TGM1: variants seen among roughly 807,000 people sequenced by gnomAD.
TGM1 encodes protein-glutamine gamma-glutamyltransferase K.
Under a neutral mutation model 88.7 loss-of-function variants are expected in TGM1, and 63 were observed. The ratio of observed to expected loss-of-function variants is 0.71; its 90% CI spans 0.58 to 0.88. The LOEUF is 0.88. Among genes scored for constraint, TGM1 ranks in the 40% least tolerant of loss-of-function variants. TGM1 has a pLI of 0.00. For synonymous variants in TGM1, 415 were observed against 431.1 expected, an observed-to-expected ratio of 0.96 and a Z score of 0.46; for missense variants, 996 against 1,118.0, an observed-to-expected ratio of 0.89 and a Z score of 1.56.
chr14:24,261,192 C>T lies in TGM1; in HGVS notation c.509-494G>A. Among the ~76,000 whole-genome samples the T allele has an allele frequency of 1.3e-5, 2 of 152,190 alleles. 1 individual carries two copies. Among genetic ancestry groups the T allele is most frequent in the Admixed American group, 1.3e-4 (2 of 15,288 alleles). ...GCCCTAATCAAAGGGTAAAAGGAGT[C>T]ACCTGCCCCAGGCAGCAGCATAATC... On this transcript the variant is annotated intron_variant, in intron 3 of 14. Transcript: ENST00000206765.
At position 24,249,322 on chromosome 14, in the gene TGM1, AC is replaced by A; in HGVS notation, c.2444del (p.Gly815ValfsTer?). The A allele has an allele frequency of 2.5e-6, 4 of 1,613,224 alleles. No individual in the cohort carries two copies. Among genetic ancestry groups the A allele is most frequent in the Non-Finnish European group, 3.4e-6 (4 of 1,179,856 alleles). On this transcript the variant is annotated frameshift_variant, in exon 15 of 15. Coordinates refer to ENST00000206765, the MANE Select transcript of TGM1 (RefSeq NM_000359.3). LOFTEE classifies it high-confidence loss of function. ...TGCTCCTGGCACGGGGCTAAGCTCCACCTCGAGATGCCATAGGGATGGTCTC... is the reference window on the plus strand; with the variant it reads ...TGCTCCTGGCACGGGGCTAAGCTCCACTCGAGATGCCATAGGGATGGTCTC... ...LGETIPMASR[G>X]GA
In TGM1 at chr14:24,261,759, AT is replaced by A; in HGVS notation, c.443del (p.His148LeufsTer34). 6 of 1,614,080 alleles carry A rather than the reference AT, an allele frequency of 3.7e-6. No individual in the cohort carries two copies. The highest frequency in any genetic ancestry group is 5.1e-6 in the Non-Finnish European group (6 of 1,180,012). On this transcript the variant is annotated frameshift_variant, in exon 3 of 15. Transcript: ENST00000206765. LOFTEE classifies it high-confidence loss of function. ...AGGTCCGGGACAGGAGGAGGAGCAT[AT>A]GGAAAGGCTGCCCGCGGCGCACTAT... is the stretch of plus-strand genomic sequence containing the variant. ...ELIVRRGQPFHMLLLLSRTYE... is the reference protein window; with the variant it reads ...ELIVRRGQPFXMLLLLSRTYE...
Position 24,260,017 on chromosome 14 carries a change from A to G in TGM1, c.799T>C (p.Tyr267His), listed in dbSNP as rs750815702. The G allele has an allele frequency of 1.7e-5, 28 of 1,613,694 alleles. No individual in the cohort carries two copies. The highest frequency in any genetic ancestry group is 2.4e-5 in the Non-Finnish European group (28 of 1,179,906). ...ATTCTCCCAGACTCATTAAGAACATACTCCTGCCGCCAATCCTCATGGTCC... is the reference window on the plus strand; with the variant it reads ...ATTCTCCCAGACTCATTAAGAACATGCTCCTGCCGCCAATCCTCATGGTCC... ...YVDHEDWRQE[Y>H]VLNESGRIYY... is the part of the protein sequence containing the mutation. The change falls in exon 5 of 15, where the codon TAT (tyrosine) becomes CAT (histidine). Residue 267 changes from tyrosine to histidine, a missense_variant. Physicochemically the swap from Tyr to His is moderately conservative, Grantham distance 83. Transcript: ENST00000206765.
At position 24,255,847 on chromosome 14, in the gene TGM1, T is replaced by C; in HGVS notation, c.1491+142A>G. On this transcript the variant is annotated intron_variant, in intron 10 of 14. Transcript: ENST00000206765. The surrounding 1 kb of genome is among the most constrained non-coding windows in gnomAD (Gnocchi z 4.0). ...AGTATAGGAAGCAAGGCAGCCTTGA[T>C]TATCCCCTTTTACAGGTGAGGAAAC... 1.3e-6 allele frequency: 1 copy of C among 786,246 alleles called. No homozygotes were observed. Among genetic ancestry groups the C allele is most frequent in the South Asian group, 1.5e-5 (1 of 68,150 alleles). 48.7% of individuals were successfully genotyped at this position (786,246 alleles called of 1,614,324 possible).
At position 24,259,116 on chromosome 14, in the gene TGM1, G is replaced by A; in HGVS notation, c.1118C>T (p.Pro373Leu). The change falls in exon 7 of 15, where the codon CCC (proline) becomes CTC (leucine). Residue 373 changes from proline (P) to leucine (L), a missense_variant. By Grantham distance (98) the Pro-to-Leu change is moderately conservative. Coordinates refer to ENST00000206765, the MANE Select transcript of TGM1 (RefSeq NM_000359.3). This position sits in a 1 kb window ranked among gnomAD's most constrained non-coding sequence, Gnocchi z 5.7. ...LSYLRTGYSV[P>L]YGQCWVFAGV... ...AGCAAAGACCCAGCACTGGCCATAGGGGACGGAATATCCCGTGCGTAGGTA... is the reference window on the plus strand; with the variant it reads ...AGCAAAGACCCAGCACTGGCCATAGAGGACGGAATATCCCGTGCGTAGGTA... The A allele has an allele frequency of 6.2e-7, 1 of 1,614,138 alleles. No homozygotes were observed. The highest frequency in any genetic ancestry group is 8.5e-7 in the Non-Finnish European group (1 of 1,180,016).
chr14:24,260,798 C>T (rs2040802550), intron 3 of TGM1, 100 bp from the exon 4 acceptor site: 1 of 1,502,122 alleles, frequency 6.7e-7, no homozygotes, highest in Non-Finnish European at 9.2e-7. Context: ...GTATGAGCCA[C>T]TGTGTATGTC....
intron 14 of TGM1, among the ~76,000 whole-genome samples, chr14:24,250,179 T>TGTGTGTGTGAGTGAGA (rs138497842): frequency 7.1e-6 from 1 of 140,700 alleles, no homozygotes; most frequent in East Asian, 2.2e-4. Flanking sequence ...TGTGTGTGTG[T>TGTGTGTGTGAGTGAGA]GAGAGAGACA....
chr14:24,261,153 G>T (rs2040805535), intron 3 of TGM1, among the ~76,000 whole-genome samples: 1 of 152,180 alleles, frequency 6.6e-6, no homozygotes, highest in South Asian at 2.1e-4. Context: ...AAAGGATGAG[G>T]TGGGCAAGGT....
intron 8 of TGM1, 36 bp downstream of exon 8, chr14:24,258,499 T>C (rs1379630268): frequency 2.1e-6 from 2 of 933,472 alleles, no homozygotes; most frequent in Non-Finnish European, 3.2e-6. Context: ...CAGGTCACCA[T>C]TCTTCAGCAC....
rs138574046 is a variant in TGM1, at chr14:24,260,488, C to T, written c.719G>A (p.Arg240His). ...GTTGAAGAGGATGTAGATCTCATTG[C>T]GGGGGTCAAAGGGCAACTGGAACTC... ...AGEFQLPFDP[R>H]NEIYILFNPW... The change falls in exon 4 of 15, where the codon CGC (arginine) becomes CAC (histidine). Residue 240 changes from arginine (R) to histidine (H), a missense_variant. Arg to His is a conservative substitution (Grantham distance 29). Transcript: ENST00000206765. 102 of 1,613,644 alleles carry T rather than the reference C, an allele frequency of 6.3e-5. No individual in the cohort carries two copies. The highest frequency in any genetic ancestry group is 1.5e-4 in the African/African-American group (11 of 74,832).
intron 9 of TGM1, among the ~76,000 whole-genome samples, chr14:24,256,915 C>G (rs899865227): frequency 6.6e-6 from 1 of 152,176 alleles, no homozygotes; most frequent in African/African-American, 2.4e-5. Context: ...CTCATTTAAT[C>G]CTCCCAATCA....
chr14:24,259,589 G>T lies in TGM1; in HGVS notation c.984+115C>A. On this transcript the variant is annotated intron_variant, in intron 6 of 14. Coordinates refer to ENST00000206765, the MANE Select transcript of TGM1 (RefSeq NM_000359.3). The surrounding 1 kb of genome is among the most constrained non-coding windows in gnomAD (Gnocchi z 5.7). ...CCCTTCCTGAAGTATCCTTTACGAG[G>T]GCAGGGACAGGGCTGGGGGTTCTTG... 1.1e-6 allele frequency: 1 copy of T among 884,672 alleles called. No homozygotes were observed. The highest frequency in any genetic ancestry group is 1.8e-6 in the Non-Finnish European group (1 of 549,784). The allele number at this position is 884,672 out of a possible 1,614,324, so 54.8% of individuals were successfully genotyped here.
chr14:24,255,891 AC>A lies in TGM1; in HGVS notation c.1491+97del, dbSNP rs2040746437. On this transcript the variant is annotated intron_variant, in intron 10 of 14. Coordinates refer to ENST00000206765, the MANE Select transcript of TGM1 (RefSeq NM_000359.3). This position sits in a 1 kb window ranked among gnomAD's most constrained non-coding sequence, Gnocchi z 4.0. ...AGGAAACTGACTTGTATAATGAGTG[AC>A]TTGCCCCGGGTCGCAGAGCTGGTCA... The A allele has an allele frequency of 7.8e-6, 8 of 1,028,008 alleles. No homozygotes were observed. The East Asian group carries it at 2.1e-4, about 27-fold the overall frequency. 63.7% of individuals were successfully genotyped at this position (1,028,008 alleles called of 1,614,324 possible).
chr14:24,258,440 TCA>T, intron 8 of TGM1, 52 bp from the exon 9 acceptor site: 1 of 1,612,800 alleles, frequency 6.2e-7, no homozygotes, highest in Non-Finnish European at 8.5e-7. Flanking sequence ...TCAGGAGTCC[TCA>T]GTTTCCCCAG....
In TGM1 at chr14:24,254,955, G is replaced by A; in HGVS notation, c.1927+17C>T. On this transcript the variant is annotated intron_variant, in intron 12 of 14. Coordinates refer to ENST00000206765, the MANE Select transcript of TGM1 (RefSeq NM_000359.3). ...GCCCAGCCATCCAGGGGGCAGGGCT[G>A]GGTAAGGAGCACTTACAGGCCCCTG... The A allele has an allele frequency of 6.2e-7, 1 of 1,613,500 alleles. No individual in the cohort carries two copies. The highest frequency in any genetic ancestry group is 1.7e-5 in the Admixed American group (1 of 60,024).
Position 24,261,841 on chromosome 14 carries a change from C to T in TGM1, c.362G>A (p.Arg121His), listed in dbSNP as rs763303938. 23 of 1,613,762 alleles carry T rather than the reference C, an allele frequency of 1.4e-5. No homozygotes were observed. The highest frequency in any genetic ancestry group is 5.0e-5 in the Admixed American group (3 of 59,990). Reference protein sequence around the residue: ...VVNGVDLLSSRSDQNRREHHT... With the variant: ...VVNGVDLLSSHSDQNRREHHT... ...GTGCTCTCGGCGGTTCTGGTCCGAG[C>T]GCGAGCTCAGCAAGTCCACACCGTT... Residue 121 changes from arginine (R) to histidine (H), a missense_variant, in exon 3 of 15, where the codon CGC becomes CAC. By Grantham distance (29) the Arg-to-His change is conservative. Transcript: ENST00000206765.
rs557941082 is a variant in TGM1, at chr14:24,256,135, G to A, written c.1403-58C>T. On this transcript the variant is annotated intron_variant, in intron 9 of 14. Transcript: ENST00000206765. ...CTGAGAAGGCGGAGAGGGCTCTTCAGACCCTGGGTAAGGTCCACACAGGGC... is the reference window on the plus strand; with the variant it reads ...CTGAGAAGGCGGAGAGGGCTCTTCAAACCCTGGGTAAGGTCCACACAGGGC... 3 of 1,430,184 alleles carry A rather than the reference G, an allele frequency of 2.1e-6. No individual in the cohort carries two copies. The East Asian group carries it at 7.4e-5, about 35-fold the overall frequency. The allele number at this position is 1,430,184 out of a possible 1,614,324, so 88.6% of individuals were successfully genotyped here.
chr14:24,255,895 G>A lies in TGM1; in HGVS notation c.1491+94C>T. ...AACTGACTTGTATAATGAGTGACTT[G>A]CCCCGGGTCGCAGAGCTGGTCAGTC... On this transcript the variant is annotated intron_variant, in intron 10 of 14. Transcript: ENST00000206765. This position sits in a 1 kb window ranked among gnomAD's most constrained non-coding sequence, Gnocchi z 4.0. 1.9e-6 allele frequency: 2 copies of A among 1,061,516 alleles called. No individual in the cohort carries two copies. Among genetic ancestry groups the A allele is most frequent in the Middle Eastern group, 2.0e-4 (1 of 4,892 alleles). 65.8% of individuals were successfully genotyped at this position (1,061,516 alleles called of 1,614,324 possible).
chr14:24,257,424 G>A (rs960021202), intron 9 of TGM1, among the ~76,000 whole-genome samples: 9 of 152,194 alleles, frequency 5.9e-5, no homozygotes, highest in Non-Finnish European at 1.2e-4. Flanking sequence ...AAAGAGACCC[G>A]TTGGTTATAT....
Sources: gnomAD v4.1 joint callset for allele counts (sites outside exome capture counted in the v4.1 genomes callset) on GRCh38, gnomAD v4.1.1 for gene constraint, Gnocchi (gnomAD v3.1) non-coding constraint, MANE v1.5 for transcripts, NCBI Gene and HGNC (gene_info 2026-07-23, HGNC 2026-07-21) for gene names.